Variants in FAAH2 observed in about 807,000 individuals in gnomAD.
The protein encoded by FAAH2 is fatty-acid amide hydrolase 2.
Under a neutral mutation model 36.9 loss-of-function variants are expected in FAAH2, and 60 were observed. The observed-to-expected ratio is 1.63, with a 90% confidence interval of 1.32 to 2.02. The LOEUF (loss-of-function observed/expected upper bound fraction) is 2.02, where lower values mean the gene tolerates loss of function less well. Among genes scored for constraint, FAAH2 ranks in the 30% most tolerant of loss-of-function variants. FAAH2 has a pLI of 0.00. For missense variants in FAAH2, 689 were observed against 397.5 expected, an observed-to-expected ratio of 1.73 and a Z score of -6.23; for synonymous variants, 214 against 143.8, an observed-to-expected ratio of 1.49 and a Z score of -3.49.
At chrX:57,283,295 AAC>A (rs1358942095), upstream of FAAH2, among the ~76,000 whole-genome samples, 3 of 110,971 alleles carry the variant, frequency 2.7e-5, no homozygotes, top group African/African-American at 9.9e-5. Flanking sequence ...CTCAGAAAAA[AAC>A]ACAGAGTCAC....
At chrX:57,357,779 A>C (rs764671895) in intron 5 of FAAH2, among the ~76,000 whole-genome samples, 1 of 111,745 alleles carries the variant, frequency 8.9e-6, no homozygotes, top group South Asian at 3.8e-4. Context: ...CAGTGTGGTG[A>C]TTGCTCAAGG....
chrX:57,195,734 A>G, the FAAH2 span, among the ~76,000 whole-genome samples: 2 of 112,364 alleles, frequency 1.8e-5, no homozygotes, highest in African/African-American at 6.4e-5. Flanking sequence ...TTAGGGTTTC[A>G]GGTCTTAGGT....
the FAAH2 span, among the ~76,000 whole-genome samples, chrX:57,203,501 G>A: frequency 8.9e-6 from 1 of 111,805 alleles, no homozygotes; most frequent in Non-Finnish European, 1.9e-5. Flanking sequence ...CCAGTTTATG[G>A]CCAGATTTGA....
At chrX:57,435,338 C>G (rs1162083022) in intron 8 of FAAH2, among the ~76,000 whole-genome samples, 2 of 110,725 alleles carry the variant, frequency 1.8e-5, no homozygotes, top group African/African-American at 6.5e-5. Flanking sequence ...GAAAATAAAC[C>G]TCATGTATAA....
chrX:57,405,987 T>G (rs1269416600), intron 7 of FAAH2, among the ~76,000 whole-genome samples: 1 of 109,788 alleles, frequency 9.1e-6, no homozygotes, highest in East Asian at 2.9e-4. Context: ...TATGGAGATA[T>G]TGATGTCCTT....
At chrX:57,469,009 G>T (rs867499961) in intron 10 of FAAH2, among the ~76,000 whole-genome samples, 1 of 111,350 alleles carries the variant, frequency 9.0e-6, no homozygotes, top group East Asian at 2.8e-4. Flanking sequence ...AGCTTCATAA[G>T]TGAAGGAGAA....
At chrX:57,178,262 A>T in the FAAH2 span, among the ~76,000 whole-genome samples, 1 of 112,108 alleles carries the variant, frequency 8.9e-6, no homozygotes, top group Non-Finnish European at 1.9e-5. Flanking sequence ...CAGACTCAAG[A>T]TCTCTTGCTT....
intron 10 of FAAH2, among the ~76,000 whole-genome samples, chrX:57,480,583 G>T (rs1191587894): frequency 8.9e-6 from 1 of 112,004 alleles, no homozygotes; most frequent in Non-Finnish European, 1.9e-5. Context: ...CTTTAGGCTT[G>T]TAGGGTTTCT....
chrX:57,374,142 G>A (rs1261681600), intron 5 of FAAH2, among the ~76,000 whole-genome samples: 1 of 111,585 alleles, frequency 9.0e-6, no homozygotes, highest in Non-Finnish European at 1.9e-5. Context: ...TTGAAATTAG[G>A]TAATGTGTTG....
chrX:57,324,356 GT>G (rs1159178122), intron 3 of FAAH2, among the ~76,000 whole-genome samples: 5 of 112,050 alleles, frequency 4.5e-5, no homozygotes, highest in East Asian at 2.8e-4. Flanking sequence ...CTTTAAAGTA[GT>G]TTTTTCCAAT....
intron 10 of FAAH2, among the ~76,000 whole-genome samples, chrX:57,481,283 G>T (rs1416004504): frequency 9.0e-6 from 1 of 110,645 alleles, no homozygotes; most frequent in Non-Finnish European, 1.9e-5. Context: ...TTGTGCCCTT[G>T]CTGGAGAGGA....
the FAAH2 span, among the ~76,000 whole-genome samples, chrX:57,183,573 T>TA: frequency 1.8e-5 from 2 of 111,535 alleles, no homozygotes; most frequent in Non-Finnish European, 3.8e-5. Context: ...TATGGATATT[T>TA]ATCAGTTCCC....
At chrX:57,389,632 TA>T (rs747864240) in intron 7 of FAAH2, among the ~76,000 whole-genome samples, 23 of 110,365 alleles carry the variant, frequency 2.1e-4, no homozygotes, top group Non-Finnish European at 3.4e-4. Flanking sequence ...AACACACACT[TA>T]GGATGTTTTA....
the FAAH2 span, among the ~76,000 whole-genome samples, chrX:57,222,216 T>A: frequency 1.8e-5 from 2 of 110,894 alleles, no homozygotes; most frequent in Non-Finnish European, 3.8e-5. Flanking sequence ...CTGGGTTCCC[T>A]CCTTCGCTCT....
chrX:57,285,549 G>A (rs1049538720), upstream of FAAH2, among the ~76,000 whole-genome samples: 1 of 112,036 alleles, frequency 8.9e-6, no homozygotes, highest in Non-Finnish European at 1.9e-5. Flanking sequence ...CAAAAGAGTG[G>A]CATCACACCC....
chrX:57,403,066 G>A (rs1383385947), intron 7 of FAAH2, among the ~76,000 whole-genome samples: 1 of 111,751 alleles, frequency 8.9e-6, no homozygotes. Context: ...GGTTATCTGA[G>A]AATTTACCTA....
chrX:57,431,763 GT>G (rs200270868), intron 7 of FAAH2, among the ~76,000 whole-genome samples, 154 bp from the exon 8 acceptor site: 2 of 13,657 alleles, frequency 1.5e-4, no homozygotes, highest in Admixed American at 1.9e-3. Context: ...TTTTGTTTTT[GT>G]TTTTTTGTTT....
At chrX:57,130,102 C>T in the FAAH2 span, among the ~76,000 whole-genome samples, 7 of 111,477 alleles carry the variant, frequency 6.3e-5, no homozygotes, top group Admixed American at 4.7e-4. Context: ...ATCATTCCAC[C>T]TCTCACACCA....
chrX:57,126,656 G>A, the FAAH2 span, among the ~76,000 whole-genome samples: 2 of 111,708 alleles, frequency 1.8e-5, no homozygotes, highest in Admixed American at 1.9e-4. Context: ...GTACATGTAG[G>A]TGGTCATGGC....
Sources: gnomAD v4.1 joint callset for allele counts (sites outside exome capture counted in the v4.1 genomes callset) on GRCh38, gnomAD v4.1.1 for gene constraint, MANE v1.5 for transcripts, NCBI Gene and HGNC (gene_info 2026-07-23, HGNC 2026-07-21) for gene names.